Variants in LONRF2 observed in about 807,000 individuals in gnomAD.
LONRF2 encodes LON peptidase N-terminal domain and RING finger protein 2.
In LONRF2, 35 loss-of-function variants were observed where a neutral mutation model predicts 66.6. The ratio of observed to expected loss-of-function variants is 0.53; its 90% CI spans 0.40 to 0.70. The LOEUF (loss-of-function observed/expected upper bound fraction) is 0.70. Ranked by LOEUF, LONRF2 falls within the 30% of genes least tolerant of loss-of-function variation. The pLI, the probability that LONRF2 is intolerant of heterozygous loss-of-function variation, is 0.00. For missense variants in LONRF2, 902 were observed against 1,002.1 expected (o/e 0.90, Z 1.35); for synonymous variants, 417 against 418.1 (o/e 1.00, Z 0.03).
chr2:100,316,826 T>C (rs1184161124), intron 1 of LONRF2, among the ~76,000 whole-genome samples: 1 of 152,232 alleles, frequency 6.6e-6, no homozygotes, highest in Non-Finnish European at 1.5e-5. Flanking sequence ...TTTGTCTCCT[T>C]TTGTTCTCTC....
At position 100,299,924 on chromosome 2, in the gene LONRF2, T is replaced by C; in HGVS notation, c.1066-6A>G. The C allele has an allele frequency of 6.4e-7, 1 of 1,570,210 alleles. No homozygotes were observed. Among genetic ancestry groups the C allele is most frequent in the Non-Finnish European group, 8.7e-7 (1 of 1,151,468 alleles). ...TCAGATTTCTCAGATGAATTCTGGT[T>C]AAGTGGGAAAAAAAGGAATCCTGAG... On this transcript the variant is annotated splice_polypyrimidine_tract_variant and splice_region_variant and intron_variant, in intron 4 of 11. Transcript: ENST00000393437.
intron 7 of LONRF2, among the ~76,000 whole-genome samples, chr2:100,295,957 A>G (rs777536477): frequency 6.6e-6 from 1 of 152,190 alleles, no homozygotes; most frequent in Non-Finnish European, 1.5e-5. Context: ...TGAGTCTAAG[A>G]CTTAAAATTT....
chr2:100,321,451 C>A lies in LONRF2; in HGVS notation c.643G>T (p.Ala215Ser). The A allele has an allele frequency of 6.7e-7, 1 of 1,495,930 alleles. No individual in the cohort carries two copies. The highest frequency in any genetic ancestry group is 2.8e-5 in the East Asian group (1 of 35,646). The allele number at this position is 1,495,930 out of a possible 1,614,324, so 92.7% of individuals were successfully genotyped here. The change falls in exon 1 of 12, where the codon GCC (alanine) becomes TCC (serine). Residue 215 changes from alanine (A) to serine (S), a missense_variant. Ala to Ser is a moderately conservative substitution (Grantham distance 99). Coordinates refer to ENST00000393437, the MANE Select transcript of LONRF2 (RefSeq NM_198461.4). ...GCCTGGTCGCACCTGAGCAGCGCGG[C>A]CTCCGGCTGCTGCTGGCGCTGCAGG... ...RSLQRQQQPE[A>S]ALLRCDQALE...
rs1675637690 is a variant in LONRF2, at chr2:100,321,819, G to C, written c.275C>G (p.Pro92Arg). Reference sequence around the variant, plus strand: ...GCCCGCCAGCTCTTCCAGCTCCTCCGGCCGCAGCGCCCCGAGCCGCGCGGC... The same window carrying C: ...GCCCGCCAGCTCTTCCAGCTCCTCCCGCCGCAGCGCCCCGAGCCGCGCGGC... ...RGAARLGALRPEELEELAGGL... is the reference protein window; with the variant it reads ...RGAARLGALRREELEELAGGL... The change falls in exon 1 of 12, where the codon CCG (proline) becomes CGG (arginine). Residue 92 changes from proline (P) to arginine (R), a missense_variant. Physicochemically the swap from Pro to Arg is moderately radical, Grantham distance 103. This residue lies in a region of LONRF2 where 585 missense variants were observed against 569.9 expected (regional missense o/e 1.03). Transcript: ENST00000393437. 9.1e-7 allele frequency: 1 copy of C among 1,101,758 alleles called. No homozygotes were observed. Among genetic ancestry groups the C allele is most frequent in the Non-Finnish European group, 1.1e-6 (1 of 905,956 alleles). The allele number at this position is 1,101,758 out of a possible 1,614,324, so 68.2% of individuals were successfully genotyped here.
Position 100,321,647 on chromosome 2 carries a change from C to G in LONRF2, c.447G>C (p.Leu149=). 1 of 1,394,302 alleles carries G rather than the reference C, an allele frequency of 7.2e-7. No homozygotes were observed. The highest frequency in any genetic ancestry group is 1.5e-5 in the South Asian group (1 of 64,834). The allele number at this position is 1,394,302 out of a possible 1,614,324, so 86.4% of individuals were successfully genotyped here. Residue 149 remains leucine (L), a synonymous_variant, in exon 1 of 12, where the codon CTG becomes CTC. Coordinates refer to ENST00000393437, the MANE Select transcript of LONRF2 (RefSeq NM_198461.4). ...DLLGCPRCRR[L]LHKPVTLPCG... Reference sequence around the variant, plus strand: ...AGGGCAGCGTCACCGGCTTATGCAGCAGCCGCCGGCAGCGCGGGCAGCCGA... The same window carrying G: ...AGGGCAGCGTCACCGGCTTATGCAGGAGCCGCCGGCAGCGCGGGCAGCCGA...
chr2:100,284,449 A>G lies in LONRF2; in HGVS notation c.2114T>C (p.Val705Ala). The G allele has an allele frequency of 1.9e-6, 3 of 1,609,130 alleles. No individual in the cohort carries two copies. The highest frequency in any genetic ancestry group is 2.5e-6 in the Non-Finnish European group (3 of 1,178,062). ...CTGAGCCTTGCGCTCCAGGGGCAGC[A>G]CGGCCAGGATCCACCAGGACCAGGC... The part of the protein sequence containing the change: ...GPAWSWWILA[V>A]LPLERKAQLA... Residue 705 changes from valine (V) to alanine (A), a missense_variant, in exon 12 of 12, where the codon GTG becomes GCG. Transcript: ENST00000393437.
At chr2:100,306,947 G>A (rs892534660) in intron 2 of LONRF2, among the ~76,000 whole-genome samples, 20 of 136,824 alleles carry the variant, frequency 1.5e-4, no homozygotes, top group African/African-American at 5.7e-4. Flanking sequence ...TTGAGGTGGA[G>A]TCTCGCTCTG....
At chr2:100,316,318 C>CAAAAA (rs57110532) in intron 1 of LONRF2, among the ~76,000 whole-genome samples, 36 of 100,912 alleles carry the variant, frequency 3.6e-4, no homozygotes, top group African/African-American at 1.4e-3. Context: ...GACTCCATCT[C>CAAAAA]AAAAAAAAAA....
chr2:100,294,737 A>G (rs955203674), intron 8 of LONRF2, among the ~76,000 whole-genome samples: 6 of 152,346 alleles, frequency 3.9e-5, no homozygotes, highest in Admixed American at 2.6e-4. Context: ...GAAGAGTGAT[A>G]AGATCGCTAC....
chr2:100,285,439 C>T (rs1196808003), intron 11 of LONRF2, among the ~76,000 whole-genome samples: 1 of 152,136 alleles, frequency 6.6e-6, no homozygotes, highest in Admixed American at 6.5e-5. Flanking sequence ...CTGAGTAGCA[C>T]GCTTAATGGG....
At position 100,276,411 on chromosome 2, in the gene LONRF2, C is replaced by T. The variant is rs755729180; in HGVS notation, c.*7887G>A. The T allele has an allele frequency of 6.6e-5, 10 of 152,098 alleles. No individual in the cohort carries two copies. Among genetic ancestry groups the T allele is most frequent in the African/African-American group, 1.4e-4 (6 of 41,400 alleles). The allele number at this position is 152,098 out of a possible 1,614,324, so 9.4% of individuals were successfully genotyped here. A position where few individuals can be genotyped will look rare whatever the true frequency, so the allele number is the denominator to read the frequency against. ...AATTTCCTGTGGTCATAGTACCCAA[C>T]GCCCTAATATCCCATATTGAACACA... On this transcript the variant is annotated 3_prime_UTR_variant, in exon 12 of 12. Coordinates refer to ENST00000393437, the MANE Select transcript of LONRF2 (RefSeq NM_198461.4).
At position 100,300,773 on chromosome 2, in the gene LONRF2, C is replaced by T. The variant is rs1471621677; in HGVS notation, c.936G>A (p.Val312=). The change falls in exon 4 of 12, where the codon GTG becomes GTA. Residue 312 remains valine (V), a synonymous_variant. Coordinates refer to ENST00000393437, the MANE Select transcript of LONRF2 (RefSeq NM_198461.4). ...GCACATTTGCTGTAGCTGAAAACAG[C>T]ACTTCACACATTACCTATAAAATTG... The part of the protein sequence containing the change: ...KKEAQKVMCE[V]LFSATANVHE... 6.3e-7 allele frequency: 1 copy of T among 1,596,838 alleles called. No individual in the cohort carries two copies. Among genetic ancestry groups the T allele is most frequent in the Admixed American group, 1.8e-5 (1 of 54,832 alleles).
At chr2:100,284,562 TG>T in intron 11 of LONRF2, 70 bp from the exon 12 acceptor site, 2 of 1,312,812 alleles carry the variant, frequency 1.5e-6, no homozygotes, top group Non-Finnish European at 2.0e-6. Flanking sequence ...CACAGTCTTT[TG>T]CTCCACCAAC....
At position 100,295,560 on chromosome 2, in the gene LONRF2, C is replaced by CA. The variant is rs750441906; in HGVS notation, c.1477-8dup. 19 of 1,603,052 alleles carry CA rather than the reference C, an allele frequency of 1.2e-5. No individual in the cohort carries two copies. The highest frequency in any genetic ancestry group is 1.7e-4 in the Middle Eastern group (1 of 6,002). Reference sequence around the variant, plus strand: ...AGTTTCTGCTTGCCAATAACTGTAACAAAAAAAAGTCAAATGATACTGTAT... The same window carrying CA: ...AGTTTCTGCTTGCCAATAACTGTAACAAAAAAAAAGTCAAATGATACTGTAT... On this transcript the variant is annotated splice_polypyrimidine_tract_variant and splice_region_variant and intron_variant, in intron 7 of 11. Transcript: ENST00000393437.
chr2:100,286,631 T>C (rs1674850598), intron 11 of LONRF2, among the ~76,000 whole-genome samples: 1 of 152,194 alleles, frequency 6.6e-6, no homozygotes, highest in Admixed American at 6.5e-5. Context: ...TTTTAAGATG[T>C]GAGTGAAAGA....
rs754205716 is a variant in LONRF2 at position 100,275,174 on chromosome 2, G to T, written c.*9124C>A. On this transcript the variant is annotated 3_prime_UTR_variant, in exon 12 of 12. Coordinates refer to ENST00000393437, the MANE Select transcript of LONRF2 (RefSeq NM_198461.4). ...AGTCCTTGGTGCTGCAGACTAGGGT[G>T]ATGTCAATCGCAGTCCCCTACACAG... 6 of 152,270 alleles carry T rather than the reference G, an allele frequency of 3.9e-5. No homozygotes were observed. The highest frequency in any genetic ancestry group is 5.9e-5 in the Non-Finnish European group (4 of 68,098). The allele number at this position is 152,270 out of a possible 1,614,324, so 9.4% of individuals were successfully genotyped here. A position where few individuals can be genotyped will look rare whatever the true frequency, so the allele number is the denominator to read the frequency against.
intron 10 of LONRF2, among the ~76,000 whole-genome samples, chr2:100,289,932 T>A (rs1426726857): frequency 6.6e-6 from 1 of 152,066 alleles, no homozygotes; most frequent in Non-Finnish European, 1.5e-5. Context: ...AGGGAGACTC[T>A]GTTTCAACGA....
In LONRF2 at chr2:100,307,813, A is replaced by AT. The variant is rs112847057; in HGVS notation, c.798+1293dup. Among the ~76,000 whole-genome samples, 569 of 152,344 alleles carry AT rather than the reference A, an allele frequency of 3.7e-3. 9 individuals are homozygous for AT. In the East Asian group the frequency reaches 0.046, roughly 12 times the overall value. On this transcript the variant is annotated intron_variant, in intron 2 of 11. Transcript: ENST00000393437. ...ACTTGATTTTGCCATTTCTCATTGTATACATGTTTCAAATCTACATATTGC... is the reference window on the plus strand; with the variant it reads ...ACTTGATTTTGCCATTTCTCATTGTATTACATGTTTCAAATCTACATATTGC...
Position 100,300,699 on chromosome 2 carries a change from T to C in LONRF2, c.1010A>G (p.His337Arg). ...SIQSRLKAQGHSHMNAQALLE... is the reference protein window; with the variant it reads ...SIQSRLKAQGRSHMNAQALLE... ...CAGAGCCTGGGCATTCATGTGGCTG[T>C]GACCCTGAGCCTTTAATCTGCTTTG... The change falls in exon 4 of 12, where the codon CAC becomes CGC. Residue 337 changes from histidine (H) to arginine (R), a missense_variant. Physicochemically the swap from His to Arg is conservative, Grantham distance 29. Around this residue, in one of 2 missense-constraint regions of LONRF2, gnomAD observed 585 missense variants for 569.9 expected, o/e 1.03. Coordinates refer to ENST00000393437, the MANE Select transcript of LONRF2 (RefSeq NM_198461.4). 6.2e-7 allele frequency: 1 copy of C among 1,613,880 alleles called. No individual in the cohort carries two copies. Among genetic ancestry groups the C allele is most frequent in the Non-Finnish European group, 8.5e-7 (1 of 1,179,954 alleles).
Sources: allele counts gnomAD v4.1 joint callset (sites outside exome capture counted in the v4.1 genomes callset), GRCh38; gene constraint gnomAD v4.1.1; regional missense constraint gnomAD v4.1.1; transcripts MANE v1.5; gene names NCBI Gene and HGNC (gene_info 2026-07-23, HGNC 2026-07-21).